The following B3GALT1 variants were observed in gnomAD, a reference collection of about 807,000 sequenced individuals.
B3GALT1 encodes beta-1,3-galactosyltransferase 1, also known as UDP-Gal:betaGlcNAc beta 1,3-galactosyltransferase, polypeptide 1.
In B3GALT1, 10 loss-of-function variants were observed where a neutral mutation model predicts 23.2. The ratio of observed to expected loss-of-function variants is 0.43; its 90% CI spans 0.27 to 0.73. The LOEUF (loss-of-function observed/expected upper bound fraction) is 0.73, where lower values mean the gene tolerates loss of function less well. B3GALT1 is among the 30% of genes least tolerant of loss of function. B3GALT1 has a pLI of 0.21. For missense variants in B3GALT1, 299 were observed against 405.4 expected, an observed-to-expected ratio of 0.74 and a Z score of 2.25; for synonymous variants, 156 against 141.5, an observed-to-expected ratio of 1.10 and a Z score of -0.73.
chr2:167,464,742 A>G (rs1445647252), intron 1 of B3GALT1, among the ~76,000 whole-genome samples: 3 of 152,204 alleles, frequency 2.0e-5, no homozygotes, highest in Admixed American at 6.5e-5. Flanking sequence ...CAAAATATCA[A>G]TGTAGGGAGG....
At chr2:167,479,482 A>G (rs1208430921) in intron 1 of B3GALT1, among the ~76,000 whole-genome samples, 3 of 152,154 alleles carry the variant, frequency 2.0e-5, no homozygotes, top group Non-Finnish European at 4.4e-5. Flanking sequence ...TATATTTTGA[A>G]TGTATTAGCT....
chr2:167,475,137 T>A (rs962784563), intron 1 of B3GALT1, among the ~76,000 whole-genome samples: 5 of 152,116 alleles, frequency 3.3e-5, no homozygotes, highest in African/African-American at 1.2e-4. Context: ...AATAGTAAAT[T>A]TCGGAAATCA....
At chr2:167,598,087 C>A (rs576483660) in intron 2 of B3GALT1, among the ~76,000 whole-genome samples, 1 of 152,092 alleles carries the variant, frequency 6.6e-6, no homozygotes, top group Non-Finnish European at 1.5e-5. Context: ...GTACGGAATT[C>A]ACATGTGTTT....
chr2:167,781,426 T>C (rs1460822083), intron 3 of B3GALT1, among the ~76,000 whole-genome samples: 1 of 152,132 alleles, frequency 6.6e-6, no homozygotes, highest in Non-Finnish European at 1.5e-5. Flanking sequence ...ATCTCCTGTT[T>C]CTATTTAAAG....
chr2:167,873,630 G>A lies in B3GALT1; in HGVS notation c.*3610G>A, dbSNP rs1211138190. On this transcript the variant is annotated 3_prime_UTR_variant, in exon 5 of 5. Coordinates refer to ENST00000392690, the MANE Select transcript of B3GALT1 (RefSeq NM_020981.4). ...TTTTATAAACAACAAAGTAACTTGT[G>A]AATGAAAGAAGTAATTTACTAGAAC... 1 of 152,158 alleles carries A rather than the reference G, an allele frequency of 6.6e-6. No homozygotes were observed. The highest frequency in any genetic ancestry group is 1.5e-5 in the Non-Finnish European group (1 of 68,034). 9.4% of individuals were successfully genotyped at this position (152,158 alleles called of 1,614,324 possible). A position where few individuals can be genotyped will look rare whatever the true frequency, so the allele number is the denominator to read the frequency against.
chr2:167,663,921 C>T (rs1285663207), intron 3 of B3GALT1, among the ~76,000 whole-genome samples: 5 of 151,292 alleles, frequency 3.3e-5, no homozygotes, highest in African/African-American at 9.7e-5. Context: ...TGCCTGTTCA[C>T]TCTGATGGTA....
At chr2:167,444,037 A>C (rs180936584) in intron 1 of B3GALT1, among the ~76,000 whole-genome samples, 1 of 152,122 alleles carries the variant, frequency 6.6e-6, no homozygotes, top group African/African-American at 2.4e-5. Flanking sequence ...TTTGAGATAC[A>C]TCCCATCAAT....
intron 3 of B3GALT1, among the ~76,000 whole-genome samples, chr2:167,767,714 T>G (rs151227974): frequency 6.6e-6 from 1 of 152,204 alleles, no homozygotes; most frequent in African/African-American, 2.4e-5. Flanking sequence ...AAGTAAATTT[T>G]ATTATAAAGT....
intron 3 of B3GALT1, among the ~76,000 whole-genome samples, chr2:167,682,376 C>T (rs1686546268): frequency 6.6e-6 from 1 of 152,152 alleles, no homozygotes; most frequent in East Asian, 1.9e-4. Flanking sequence ...TCTCTCATCT[C>T]GTAATTTCTG....
intron 2 of B3GALT1, among the ~76,000 whole-genome samples, chr2:167,527,475 C>T (rs1289859315): frequency 6.6e-6 from 1 of 151,964 alleles, no homozygotes; most frequent in East Asian, 1.9e-4. Flanking sequence ...AAAGCAAATA[C>T]ATTTGTGATT....
intron 3 of B3GALT1, among the ~76,000 whole-genome samples, chr2:167,670,469 C>A (rs1686304306): frequency 6.6e-6 from 1 of 152,044 alleles, no homozygotes; most frequent in South Asian, 2.1e-4. Context: ...GCAAAAACAA[C>A]AATGCAAGAT....
chr2:167,488,948 T>A (rs1224617468), intron 1 of B3GALT1, among the ~76,000 whole-genome samples: 1 of 145,868 alleles, frequency 6.9e-6, no homozygotes, highest in Non-Finnish European at 1.5e-5. Flanking sequence ...AAAAATAAGA[T>A]TAATAATGAA....
chr2:167,425,461 CAACT>C lies in B3GALT1; in HGVS notation c.-510-64712_-510-64709del, dbSNP rs1447048801. Among the ~76,000 whole-genome samples, 5 of 152,164 alleles carry C rather than the reference CAACT, an allele frequency of 3.3e-5. No homozygotes were observed. The East Asian group carries it at 9.6e-4, about 29-fold the overall frequency. On this transcript the variant is annotated intron_variant, in intron 1 of 4. Coordinates refer to ENST00000392690, the MANE Select transcript of B3GALT1 (RefSeq NM_020981.4). Reference sequence around the variant, plus strand: ...ACCTATTTTTAAAAAGCATTTATCTCAACTAACAGGTTTTAAAGGATTAATAAGC... The same window carrying C: ...ACCTATTTTTAAAAAGCATTTATCTCAACAGGTTTTAAAGGATTAATAAGC...
intron 4 of B3GALT1, among the ~76,000 whole-genome samples, chr2:167,824,591 G>A (rs551781262): frequency 6.6e-6 from 1 of 152,286 alleles, no homozygotes; most frequent in Admixed American, 6.5e-5. Flanking sequence ...ACCCTCCAGG[G>A]CTCATGGCTT....
At chr2:167,632,662 A>T (rs1167489262) in intron 2 of B3GALT1, among the ~76,000 whole-genome samples, 1 of 151,802 alleles carries the variant, frequency 6.6e-6, no homozygotes, top group Non-Finnish European at 1.5e-5. Context: ...TTTCTTGTGA[A>T]TTTTTTTAAG....
At chr2:167,471,472 A>G (rs940332822) in intron 1 of B3GALT1, among the ~76,000 whole-genome samples, 2 of 152,142 alleles carry the variant, frequency 1.3e-5, no homozygotes, top group Non-Finnish European at 2.9e-5. Context: ...CAGATGTAGA[A>G]ACTGAGATTT....
chr2:167,558,849 C>G (rs1683906022), intron 2 of B3GALT1, among the ~76,000 whole-genome samples: 2 of 152,238 alleles, frequency 1.3e-5, no homozygotes, highest in Non-Finnish European at 2.9e-5. Flanking sequence ...GGAGGCCTGC[C>G]TGCCTCTGTA....
At chr2:167,612,549 G>A (rs752202962) in intron 2 of B3GALT1, among the ~76,000 whole-genome samples, 1 of 151,832 alleles carries the variant, frequency 6.6e-6, no homozygotes, top group Admixed American at 6.6e-5. Flanking sequence ...TACTTGATTT[G>A]CATAGGATAG....
chr2:167,430,280 A>G (rs1273432448), intron 1 of B3GALT1, among the ~76,000 whole-genome samples: 4 of 152,076 alleles, frequency 2.6e-5, no homozygotes, highest in East Asian at 3.9e-4. Context: ...GAAGAAAGGG[A>G]ATTAGGAGGA....
Sources: gnomAD v4.1 joint callset for allele counts (sites outside exome capture counted in the v4.1 genomes callset) on GRCh38, gnomAD v4.1.1 for gene constraint, MANE v1.5 for transcripts, NCBI Gene and HGNC (gene_info 2026-07-23, HGNC 2026-07-21) for gene names.